EIF2AK1: variants seen among roughly 807,000 people sequenced by gnomAD.
EIF2AK1 encodes the protein eukaryotic translation initiation factor 2 alpha kinase 1, also known as eukaryotic translation initiation factor 2-alpha kinase 1.
EIF2AK1 carries 54 observed loss-of-function variants against 77.9 expected under a neutral mutation model. That is an observed-to-expected ratio of 0.69 (90% CI 0.56 to 0.87). The LOEUF (loss-of-function observed/expected upper bound fraction) is 0.87, where lower values mean the gene tolerates loss of function less well. Among genes scored for constraint, EIF2AK1 ranks in the 40% least tolerant of loss-of-function variants. The pLI, the probability that EIF2AK1 is intolerant of heterozygous loss-of-function variation, is 0.00. For missense variants in EIF2AK1, 810 were observed against 768.6 expected (o/e 1.05, Z -0.64); for synonymous variants, 314 against 290.5 (o/e 1.08, Z -0.82).
chr7:6,043,333 T>C (rs1268395118), intron 7 of EIF2AK1, among the ~76,000 whole-genome samples: 1 of 152,086 alleles, frequency 6.6e-6, no homozygotes, highest in Non-Finnish European at 1.5e-5. Flanking sequence ...TCCCAACTCT[T>C]TGGGAGGCCG....
intron 3 of EIF2AK1, 47 bp from the exon 4 acceptor site, chr7:6,048,891 G>A (rs1415850777): frequency 4.4e-6 from 6 of 1,365,828 alleles, no homozygotes; most frequent in East Asian, 2.3e-5. Context: ...AAACTTGCAT[G>A]GAATAAAGAA....
At position 6,035,596 on chromosome 7, in the gene EIF2AK1, GA is replaced by G; in HGVS notation, c.1332+1827del. The G allele has an allele frequency of 6.4e-7, 1 of 1,551,016 alleles. No individual in the cohort carries two copies. The highest frequency in any genetic ancestry group is 8.7e-7 in the Non-Finnish European group (1 of 1,147,106). ...TGTCTCCGCATCTTGTGTGCGCACG[GA>G]GCTCAAGTGAACACTCAAGGGGAAA... On this transcript the variant is annotated intron_variant, in intron 11 of 14. Coordinates refer to ENST00000199389, the MANE Select transcript of EIF2AK1 (RefSeq NM_014413.4). This position sits in a 1 kb window ranked among gnomAD's most constrained non-coding sequence, Gnocchi z 5.5.
In EIF2AK1 at chr7:6,023,448, G is replaced by A. The variant is rs558931280; in HGVS notation, c.*1225C>T. On this transcript the variant is annotated 3_prime_UTR_variant, in exon 15 of 15. Coordinates refer to ENST00000199389, the MANE Select transcript of EIF2AK1 (RefSeq NM_014413.4). ...TTATAGATAGCTGGGTAGATATTGC[G>A]ATTTTTCAGTTAAAAGAGGGAAGCA... 9 of 1,614,166 alleles carry A rather than the reference G, an allele frequency of 5.6e-6. No individual in the cohort carries two copies. Among genetic ancestry groups the A allele is most frequent in the South Asian group, 5.5e-5 (5 of 91,078 alleles).
rs1392106914 is a variant in EIF2AK1, at chr7:6,033,959, C to T, written c.1332+3465G>A. 6.6e-6 allele frequency among the ~76,000 whole-genome samples: 1 copy of T among 152,024 alleles called. No homozygotes were observed. The highest frequency in any genetic ancestry group is 1.5e-5 in the Non-Finnish European group (1 of 68,018). On this transcript the variant is annotated intron_variant, in intron 11 of 14. Transcript: ENST00000199389. This position sits in a 1 kb window ranked among gnomAD's most constrained non-coding sequence, Gnocchi z 4.4. ...TTGTGCACCACTGTATCTCCAGCAC[C>T]TCAACCAAATCAATGCCTGACACTT...
rs1787560840 is a variant in EIF2AK1, at chr7:6,023,202, C to T, written c.*1471G>A. The T allele has an allele frequency of 3.7e-6, 5 of 1,337,082 alleles. No individual in the cohort carries two copies. The African/African-American group carries it at 7.3e-5, about 20-fold the overall frequency. The allele number at this position is 1,337,082 out of a possible 1,614,324, so 82.8% of individuals were successfully genotyped here. On this transcript the variant is annotated 3_prime_UTR_variant, in exon 15 of 15. Coordinates refer to ENST00000199389, the MANE Select transcript of EIF2AK1 (RefSeq NM_014413.4). The stretch of plus-strand genomic sequence containing the variant: ...TTCTTGAAAACACCCTTTCCCATGT[C>T]ATCAGTCTGTGGTGTTTGGTGACTG...
intron 1 of EIF2AK1, among the ~76,000 whole-genome samples, chr7:6,056,613 A>AAAAAAAAAATATATATATAT: frequency 4.6e-5 from 2 of 43,736 alleles, no homozygotes; most frequent in Admixed American, 2.4e-4. Flanking sequence ...AAAAAAAAAA[A>AAAAAAAAAATATATATATAT]ATATATATAT....
intron 14 of EIF2AK1, among the ~76,000 whole-genome samples, chr7:6,025,403 G>A (rs921864348): frequency 2.6e-4 from 39 of 150,618 alleles, no homozygotes; most frequent in African/African-American, 9.0e-4. Context: ...CTCATGATCC[G>A]CCTGCCTCAG....
rs575055621 is a variant in EIF2AK1 at position 6,037,059 on chromosome 7, C to A, written c.1332+365G>T. 4.5e-4 allele frequency among the ~76,000 whole-genome samples: 69 copies of A among 152,070 alleles called. 1 individual carries two copies. The highest frequency in any genetic ancestry group is 1.6e-3 in the African/African-American group (65 of 41,502). ...CCTGGGCAACATAGTAAAACTCCAT[C>A]TCTACAAAAAAAAATTTAAAAATTA... On this transcript the variant is annotated intron_variant, in intron 11 of 14. Coordinates refer to ENST00000199389, the MANE Select transcript of EIF2AK1 (RefSeq NM_014413.4).
At position 6,029,377 on chromosome 7, in the gene EIF2AK1, C is replaced by T. The variant is rs148570732; in HGVS notation, c.1333-345G>A. ...GTGTGGTGGCACGTGCCTGTAATCCCTGCTACTAGGGAGACTGAGGCAGAA... is the reference window on the plus strand; with the variant it reads ...GTGTGGTGGCACGTGCCTGTAATCCTTGCTACTAGGGAGACTGAGGCAGAA... On this transcript the variant is annotated intron_variant, in intron 11 of 14. Transcript: ENST00000199389. Among the ~76,000 whole-genome samples, 514 of 152,032 alleles carry T rather than the reference C, an allele frequency of 3.4e-3. 3 individuals carry two copies. Among genetic ancestry groups the T allele is most frequent in the African/African-American group, 0.012 (491 of 41,448 alleles).
chr7:6,039,262 A>G (rs916313635), intron 9 of EIF2AK1, among the ~76,000 whole-genome samples: 8 of 152,134 alleles, frequency 5.3e-5, no homozygotes, highest in African/African-American at 1.9e-4. Context: ...ATTCTGATTA[A>G]AAGTCCCCCA....
rs1391710310 is a variant in EIF2AK1, at chr7:6,023,270, G to C, written c.*1403C>G. On this transcript the variant is annotated 3_prime_UTR_variant, in exon 15 of 15. Transcript: ENST00000199389. ...CGAGTACTTCCCTCAGGGCTGCTCT[G>C]GTGATGCTACCTGGCGTGTTTTTTC... The C allele has an allele frequency of 6.4e-7, 1 of 1,556,584 alleles. No homozygotes were observed. The highest frequency in any genetic ancestry group is 1.4e-5 in the African/African-American group (1 of 73,516).
rs1788081861 is a variant in EIF2AK1, at chr7:6,036,142, C to T, written c.1332+1282G>A. On this transcript the variant is annotated intron_variant, in intron 11 of 14. Transcript: ENST00000199389. The surrounding 1 kb of genome is among the most constrained non-coding windows in gnomAD (Gnocchi z 4.6). ...CTTCTGGCCAGGCTACTTTATCACA[C>T]TTATCCTCTGAGAATGACCAATAAC... The T allele has an allele frequency of 6.4e-7, 1 of 1,550,402 alleles. No individual in the cohort carries two copies. Among genetic ancestry groups the T allele is most frequent in the African/African-American group, 1.4e-5 (1 of 73,046 alleles).
At position 6,037,712 on chromosome 7, in the gene EIF2AK1, A is replaced by G. The variant is rs7785388; in HGVS notation, c.1232-188T>C. Reference sequence around the variant, plus strand: ...GCAGGAAGGCTTCCTCAGCTGGCAAAGAAACCATCACAAACCAGCACCCAA... The same window carrying G: ...GCAGGAAGGCTTCCTCAGCTGGCAAGGAAACCATCACAAACCAGCACCCAA... On this transcript the variant is annotated intron_variant, in intron 10 of 14. Transcript: ENST00000199389. Among the ~76,000 whole-genome samples, 1,079 of 152,204 alleles carry G rather than the reference A, an allele frequency of 7.1e-3. 17 individuals are homozygous for G. Among genetic ancestry groups the G allele is most frequent in the African/African-American group, 0.025 (1,048 of 41,492 alleles).
intron 7 of EIF2AK1, 151 bp from the exon 8 acceptor site, chr7:6,043,144 A>G: frequency 1.3e-6 from 1 of 750,506 alleles, no homozygotes; most frequent in East Asian, 2.7e-5. Context: ...GTTTATTCAA[A>G]TGGCACGTGT....
rs1787556439 is a variant in EIF2AK1 at position 6,023,150 on chromosome 7, TAGAGAC to T, written c.*1517_*1522del. The T allele has an allele frequency of 1.1e-6, 1 of 898,346 alleles. No homozygotes were observed. Among genetic ancestry groups the T allele is most frequent in the African/African-American group, 1.7e-5 (1 of 59,786 alleles). 55.6% of individuals were successfully genotyped at this position (898,346 alleles called of 1,614,324 possible). On this transcript the variant is annotated 3_prime_UTR_variant, in exon 15 of 15. Coordinates refer to ENST00000199389, the MANE Select transcript of EIF2AK1 (RefSeq NM_014413.4). ...AAACCCTTTTCAGTAGTAAGCATCT[TAGAGAC>T]AGACTGAAAATGTGATGTTCTTCTT...
chr7:6,023,593 G>C lies in EIF2AK1; in HGVS notation c.*1080C>G. The C allele has an allele frequency of 1.2e-6, 2 of 1,614,188 alleles. No individual in the cohort carries two copies. Among genetic ancestry groups the C allele is most frequent in the Non-Finnish European group, 1.7e-6 (2 of 1,180,044 alleles). ...GCTGTGGTCTGTACTCCAGCAGATCGGAGGCTGCAGTGTGACAGTGCCAGC... is the reference window on the plus strand; with the variant it reads ...GCTGTGGTCTGTACTCCAGCAGATCCGAGGCTGCAGTGTGACAGTGCCAGC... On this transcript the variant is annotated 3_prime_UTR_variant, in exon 15 of 15. Transcript: ENST00000199389.
Position 6,046,117 on chromosome 7 carries a change from A to T in EIF2AK1, c.584T>A (p.Ile195Lys). The T allele has an allele frequency of 1.3e-6, 2 of 1,572,926 alleles. No individual in the cohort carries two copies. Among genetic ancestry groups the T allele is most frequent in the Non-Finnish European group, 1.7e-6 (2 of 1,161,686 alleles). Residue 195 changes from isoleucine to lysine, a missense_variant, in exon 6 of 15, where the codon ATA becomes AAA. Ile to Lys is a moderately radical substitution (Grantham distance 102). Transcript: ENST00000199389. ...RNKLDGQYYA[I>K]KKILIKGATK... is the part of the protein sequence containing the mutation. ...TGCACCCTTAATCAGGATTTTTTTT[A>T]TTGCATAATACTGACCATCTAATTT... is the stretch of plus-strand genomic sequence containing the variant.
intron 11 of EIF2AK1, among the ~76,000 whole-genome samples, chr7:6,029,977 C>T (rs1787858838): frequency 1.3e-5 from 2 of 148,700 alleles, no homozygotes. Flanking sequence ...GAGACTCTGT[C>T]TCAAAAAAAA....
chr7:6,027,147 G>A lies in EIF2AK1; in HGVS notation c.1531-186C>T, dbSNP rs1448507304. On this transcript the variant is annotated intron_variant, in intron 13 of 14. Transcript: ENST00000199389. This position sits in a 1 kb window ranked among gnomAD's most constrained non-coding sequence, Gnocchi z 4.5. The stretch of plus-strand genomic sequence containing the variant: ...GGGACTTTCACAACCTCAAAAAGGG[G>A]CATCCGTGGGCACGCAGAATGGATG... Among the ~76,000 whole-genome samples the A allele has an allele frequency of 6.6e-6, 1 of 152,156 alleles. No homozygotes were observed. The highest frequency in any genetic ancestry group is 1.9e-4 in the East Asian group (1 of 5,194).
Sources: gnomAD v4.1 joint callset for allele counts (sites outside exome capture counted in the v4.1 genomes callset) on GRCh38, gnomAD v4.1.1 for gene constraint, Gnocchi (gnomAD v3.1) non-coding constraint, MANE v1.5 for transcripts, NCBI Gene and HGNC (gene_info 2026-07-23, HGNC 2026-07-21) for gene names.